AXDND1: variants seen among roughly 807,000 people sequenced by gnomAD.
AXDND1 encodes axonemal dynein light chain domain-containing protein 1.
A neutral mutation model predicts 137.5 loss-of-function variants in AXDND1; 110 were observed. The ratio of observed to expected loss-of-function variants is 0.80; its 90% CI spans 0.69 to 0.94. The LOEUF (loss-of-function observed/expected upper bound fraction) is 0.94. Ranked by LOEUF, AXDND1 falls within the 40% of genes least tolerant of loss-of-function variation. AXDND1 has a pLI of 0.00. For synonymous variants in AXDND1, 414 were observed against 399.7 expected (o/e 1.04, Z -0.43); for missense variants, 1,191 against 1,169.8 (o/e 1.02, Z -0.26).
intron 23 of AXDND1, among the ~76,000 whole-genome samples, chr1:179,530,271 C>T (rs4652405): frequency 0.53 from 79,965 of 151,914 alleles, 21,102 homozygotes; most frequent in East Asian, 0.55. Flanking sequence ...CCTCATGATC[C>T]GCCTGCTTCG....
chr1:179,497,747 A>C (rs1667590151), intron 20 of AXDND1, among the ~76,000 whole-genome samples: 1 of 152,180 alleles, frequency 6.6e-6, no homozygotes, highest in African/African-American at 2.4e-5. Flanking sequence ...ATAGGATTCT[A>C]TACCTAGAAA....
intron 18 of AXDND1, among the ~76,000 whole-genome samples, chr1:179,486,155 A>G: frequency 6.9e-6 from 1 of 144,024 alleles, no homozygotes; most frequent in South Asian, 2.3e-4. Flanking sequence ...GATAGAAATG[A>G]AAAACACACT....
At chr1:179,469,479 C>T (rs1022362858) in intron 17 of AXDND1, among the ~76,000 whole-genome samples, 2 of 152,152 alleles carry the variant, frequency 1.3e-5, no homozygotes, top group South Asian at 2.1e-4. Context: ...CATTCATGTG[C>T]ATGCTTTTTG....
At chr1:179,408,411 T>G (rs1653315189) in intron 11 of AXDND1, among the ~76,000 whole-genome samples, 1 of 151,976 alleles carries the variant, frequency 6.6e-6, no homozygotes. Context: ...AAAATCTCAC[T>G]CTGTTGCCAG....
intron 9 of AXDND1, among the ~76,000 whole-genome samples, chr1:179,388,976 C>CTTTTTTTT (rs11373996): frequency 5.3e-5 from 6 of 112,534 alleles, no homozygotes; most frequent in Non-Finnish European, 1.0e-4. Context: ...TTTTTAGATT[C>CTTTTTTTT]TTTTTTTTTT....
In AXDND1 at chr1:179,419,496, C is replaced by G. The variant is rs561623897; in HGVS notation, c.1230+8230C>G. On this transcript the variant is annotated intron_variant, in intron 12 of 25. Transcript: ENST00000367618. ...AGGCGTGGCGGCGTGCGCCTGCAAT[C>G]GCAGGCACTCGGCAGGCTGAGGCAG... Among the ~76,000 whole-genome samples the G allele has an allele frequency of 3.9e-3, 578 of 149,574 alleles. 4 individuals are homozygous for G. Among genetic ancestry groups the G allele is most frequent in the African/African-American group, 0.013 (541 of 40,878 alleles).
intron 16 of AXDND1, chr1:179,453,348 G>A (rs1463508572): frequency 1.3e-5 from 2 of 152,478 alleles, no homozygotes; most frequent in East Asian, 3.8e-4. Context: ...ACCTGGAAAA[G>A]CCACAGACAC....
intron 12 of AXDND1, among the ~76,000 whole-genome samples, chr1:179,413,824 T>C (rs6684859): frequency 0.33 from 50,278 of 152,038 alleles, 8,756 homozygotes; most frequent in Middle Eastern, 0.43. Flanking sequence ...CTCCATACTG[T>C]TTTCCACAGG....
chr1:179,409,666 G>A (rs2125214489), intron 11 of AXDND1, among the ~76,000 whole-genome samples: 1 of 152,196 alleles, frequency 6.6e-6, no homozygotes, highest in African/African-American at 2.4e-5. Flanking sequence ...CGGATCACTT[G>A]AGGTCAGGAG....
chr1:179,504,890 T>G (rs902336771), intron 20 of AXDND1, among the ~76,000 whole-genome samples: 1 of 152,216 alleles, frequency 6.6e-6, no homozygotes, highest in Non-Finnish European at 1.5e-5. Flanking sequence ...TGCAAAGGCC[T>G]TCTTCTGCTA....
chr1:179,507,191 A>T (rs1036988607), intron 20 of AXDND1, among the ~76,000 whole-genome samples: 2 of 152,190 alleles, frequency 1.3e-5, no homozygotes, highest in African/African-American at 4.8e-5. Flanking sequence ...TCATGGAAAG[A>T]GATTCATGGG....
At chr1:179,426,709 A>T (rs1656620319) in intron 12 of AXDND1, among the ~76,000 whole-genome samples, 1 of 152,250 alleles carries the variant, frequency 6.6e-6, no homozygotes, top group Non-Finnish European at 1.5e-5. Flanking sequence ...AAGGGAAATT[A>T]TAGTTATTCA....
intron 21 of AXDND1, among the ~76,000 whole-genome samples, chr1:179,516,260 G>A (rs1669528563): frequency 6.6e-6 from 1 of 152,046 alleles, no homozygotes; most frequent in African/African-American, 2.4e-5. Flanking sequence ...ACTTTCCAGA[G>A]CATTTTGCAG....
In AXDND1 at chr1:179,418,649, C is replaced by T. The variant is rs1296237428; in HGVS notation, c.1230+7383C>T. On this transcript the variant is annotated intron_variant, in intron 12 of 25. Coordinates refer to ENST00000367618, the MANE Select transcript of AXDND1 (RefSeq NM_144696.6). ...CCCCGCACCTCCCTCCCGGACGGGG[C>T]GGCTGGCCGGGTGGGGGGCCGACAC... 6.1e-5 allele frequency among the ~76,000 whole-genome samples: 9 copies of T among 146,830 alleles called. 1 individual carries two copies. Among genetic ancestry groups the T allele is most frequent in the African/African-American group, 1.5e-4 (6 of 40,030 alleles).
chr1:179,384,392 T>C (rs1177859949), intron 8 of AXDND1, among the ~76,000 whole-genome samples: 1 of 152,188 alleles, frequency 6.6e-6, no homozygotes, highest in Non-Finnish European at 1.5e-5. Flanking sequence ...AATATAGTTA[T>C]CAGGAAATTT....
At chr1:179,400,271 T>C (rs1571650376) in intron 11 of AXDND1, among the ~76,000 whole-genome samples, 2 of 152,266 alleles carry the variant, frequency 1.3e-5, no homozygotes, top group South Asian at 4.2e-4. Flanking sequence ...TTAATGGCAT[T>C]TGCAGTGACC....
At chr1:179,482,296 C>T (rs1204380567) in intron 17 of AXDND1, among the ~76,000 whole-genome samples, 3 of 151,908 alleles carry the variant, frequency 2.0e-5, no homozygotes, top group South Asian at 2.1e-4. Context: ...AGTAGAACCA[C>T]TGCCTTACAA....
At chr1:179,369,443 CAGG>C (rs1036224625) in intron 3 of AXDND1, among the ~76,000 whole-genome samples, 67 of 152,174 alleles carry the variant, frequency 4.4e-4, no homozygotes, top group African/African-American at 1.5e-3. Flanking sequence ...ATCACGAGGT[CAGG>C]AGATCAACCA....
chr1:179,514,332 G>A lies in AXDND1; in HGVS notation c.2496+4929G>A, dbSNP rs533287889. Reference sequence around the variant, plus strand: ...GTCTGAGTTTTGTTTTTGACCAAATGATCATTCAGGAGCAGGTTATTTAAC... The same window carrying A: ...GTCTGAGTTTTGTTTTTGACCAAATAATCATTCAGGAGCAGGTTATTTAAC... On this transcript the variant is annotated intron_variant, in intron 21 of 25. Coordinates refer to ENST00000367618, the MANE Select transcript of AXDND1 (RefSeq NM_144696.6). 3.9e-5 allele frequency among the ~76,000 whole-genome samples: 6 copies of A among 152,256 alleles called. No individual in the cohort carries two copies. The South Asian group carries it at 1.0e-3, about 26-fold the overall frequency.
Sources: allele counts gnomAD v4.1 joint callset (sites outside exome capture counted in the v4.1 genomes callset), GRCh38; gene constraint gnomAD v4.1.1; transcripts MANE v1.5; gene names NCBI Gene and HGNC (gene_info 2026-07-23, HGNC 2026-07-21).